CDC27: variants seen among roughly 807,000 people sequenced by gnomAD.
The protein encoded by CDC27 is cell division cycle protein 27 homolog.
Under a neutral mutation model 109.7 loss-of-function variants are expected in CDC27, and 27 were observed. The observed-to-expected ratio is 0.25, with a 90% CI of 0.18 to 0.34. The LOEUF is 0.34. Among genes scored for constraint, CDC27 ranks in the 10% least tolerant of loss-of-function variants. The probability of loss-of-function intolerance (pLI) is 1.00; values close to 1 mark genes in which losing one functional copy is unlikely to be tolerated. For synonymous variants in CDC27, 266 were observed against 333.9 expected (o/e 0.80, Z 2.22); for missense variants, 579 against 960.2 (o/e 0.60, Z 5.25).
At position 47,151,927 on chromosome 17, in the gene CDC27, C is replaced by A; in HGVS notation, c.958-9G>T. 6.2e-7 allele frequency: 1 copy of A among 1,603,936 alleles called. No homozygotes were observed. Among genetic ancestry groups the A allele is most frequent in the Non-Finnish European group, 8.5e-7 (1 of 1,175,840 alleles). Reference sequence around the variant, plus strand: ...CCGATTCTGGCAACAGACTGTAAAACACGAAAAGTCTAAGGTTTGTGAATT... The same window carrying A: ...CCGATTCTGGCAACAGACTGTAAAAAACGAAAAGTCTAAGGTTTGTGAATT... On this transcript the variant is annotated splice_polypyrimidine_tract_variant and intron_variant, in intron 8 of 18. Transcript: ENST00000066544.
chr17:47,172,788 T>C (rs2063850638), intron 2 of CDC27, among the ~76,000 whole-genome samples: 1 of 152,152 alleles, frequency 6.6e-6, no homozygotes, highest in Admixed American at 6.5e-5. Context: ...TGATCATCAC[T>C]TCACTTCTAT....
At chr17:47,160,450 TC>T (rs1248095620) in intron 4 of CDC27, among the ~76,000 whole-genome samples, 1 of 152,154 alleles carries the variant, frequency 6.6e-6, no homozygotes, top group Non-Finnish European at 1.5e-5. Context: ...GTTTTTGAAC[TC>T]CTGGACTCAA....
chr17:47,127,997 T>C (rs1317550912), intron 16 of CDC27, among the ~76,000 whole-genome samples: 1 of 151,712 alleles, frequency 6.6e-6, no homozygotes, highest in East Asian at 1.9e-4. Context: ...TTTTTATTAG[T>C]ATTAAAAAAA....
chr17:47,151,103 G>A (rs858679), intron 9 of CDC27, among the ~76,000 whole-genome samples: 53,785 of 152,034 alleles, frequency 0.35, 10,066 homozygotes, highest in Admixed American at 0.43. Context: ...TGTACAAATC[G>A]GAAATTATTT....
intron 1 of CDC27, among the ~76,000 whole-genome samples, chr17:47,182,913 C>T (rs938326491): frequency 6.6e-6 from 1 of 151,758 alleles, no homozygotes; most frequent in Admixed American, 6.6e-5. Context: ...TTAGTCCCAG[C>T]GACTCAGAAG....
In CDC27 at chr17:47,150,110, C is replaced by T. The variant is rs138477571; in HGVS notation, c.1070+1696G>A. On this transcript the variant is annotated intron_variant, in intron 9 of 18. Coordinates refer to ENST00000066544, the MANE Select transcript of CDC27 (RefSeq NM_001256.6). The stretch of plus-strand genomic sequence containing the variant: ...TCCCATAAAGACTAAGAGAGGAGCA[C>T]GAAAGTATACTATTGTAAGGTTCTG... Among the ~76,000 whole-genome samples, 541 of 152,118 alleles carry T rather than the reference C, an allele frequency of 3.6e-3. 2 individuals carry two copies. Among genetic ancestry groups the T allele is most frequent in the South Asian group, 0.021 (101 of 4,822 alleles).
At chr17:47,183,154 T>C (rs541106439) in intron 1 of CDC27, among the ~76,000 whole-genome samples, 9 of 152,236 alleles carry the variant, frequency 5.9e-5, no homozygotes, top group South Asian at 4.1e-4. Context: ...TTTTGAGATA[T>C]CTCACACCTG....
intron 1 of CDC27, among the ~76,000 whole-genome samples, chr17:47,186,373 T>C (rs2149020790): frequency 6.6e-6 from 1 of 152,362 alleles, no homozygotes; most frequent in Non-Finnish European, 1.5e-5. Flanking sequence ...ATCATGTATA[T>C]AGTACCCAAT....
chr17:47,174,968 AACAGGACAGG>A (rs779367027), intron 2 of CDC27, among the ~76,000 whole-genome samples: 3 of 116,042 alleles, frequency 2.6e-5, no homozygotes, highest in African/African-American at 3.1e-5. Context: ...GGACTATCGA[AACAGGACAGG>A]ACAGGACAGG....
intron 2 of CDC27, among the ~76,000 whole-genome samples, chr17:47,178,834 G>A (rs560995930): frequency 4.6e-5 from 7 of 151,460 alleles, no homozygotes; most frequent in South Asian, 4.2e-4. Context: ...ACGGAGTCTC[G>A]CTCTGTTGCC....
intron 16 of CDC27, among the ~76,000 whole-genome samples, chr17:47,128,936 T>C (rs1045262131): frequency 2.0e-5 from 3 of 152,096 alleles, no homozygotes; most frequent in Non-Finnish European, 4.4e-5. Flanking sequence ...CATGCCCAGC[T>C]AATTTTTTGT....
chr17:47,148,609 C>T (rs2063052727), intron 9 of CDC27, among the ~76,000 whole-genome samples: 7 of 152,162 alleles, frequency 4.6e-5, no homozygotes, highest in Admixed American at 4.6e-4. Flanking sequence ...CAAAGCTACA[C>T]TAGAGCACAT....
chr17:47,162,172 C>T (rs559655577), intron 4 of CDC27: 54 of 152,326 alleles, frequency 3.5e-4, no homozygotes, highest in African/African-American at 1.1e-3. Context: ...ACTCCTTCTT[C>T]TTCTCCTCTG....
chr17:47,181,604 A>G lies in CDC27; in HGVS notation c.61T>C (p.Tyr21His), dbSNP rs1235533509. 2.5e-6 allele frequency: 4 copies of G among 1,609,210 alleles called. No homozygotes were observed. Among genetic ancestry groups the G allele is most frequent in the Non-Finnish European group, 3.4e-6 (4 of 1,176,408 alleles). The change falls in exon 2 of 19, where the codon TAC becomes CAC. Residue 21 changes from tyrosine to histidine, a missense_variant. Transcript: ENST00000066544. ...TCTGCGAGGAAAACCGCATCTCGGT[A>G]AGCATAGTGGTTTAGTGCTTGCCAT... ...AIWQALNHYA[Y>H]RDAVFLAERL...
At chr17:47,143,077 A>G (rs1203060423) in intron 10 of CDC27, among the ~76,000 whole-genome samples, 2 of 152,016 alleles carry the variant, frequency 1.3e-5, no homozygotes, top group South Asian at 2.1e-4. Flanking sequence ...GGCTCAAGTG[A>G]TTCTCCCACC....
rs1043040168 is a variant in CDC27, at chr17:47,118,093, C to G, written c.*2842G>C. On this transcript the variant is annotated 3_prime_UTR_variant, in exon 19 of 19. Coordinates refer to ENST00000066544, the MANE Select transcript of CDC27 (RefSeq NM_001256.6). The stretch of plus-strand genomic sequence containing the variant: ...TTCAATGCAAACAGAACACACACTT[C>G]ATACCCACACTTGCATTTTCCCAGG... The G allele has an allele frequency of 1.3e-5, 2 of 152,188 alleles. No individual in the cohort carries two copies. The highest frequency in any genetic ancestry group is 4.8e-5 in the African/African-American group (2 of 41,450). The allele number at this position is 152,188 out of a possible 1,614,324, so 9.4% of individuals were successfully genotyped here. A position where few individuals can be genotyped will look rare whatever the true frequency, so the allele number is the denominator to read the frequency against.
chr17:47,156,853 T>G, intron 7 of CDC27, 60 bp downstream of exon 7: 1 of 577,586 alleles, frequency 1.7e-6, no homozygotes, highest in South Asian at 2.9e-5. Context: ...ACTAACAATA[T>G]GAGTTATCAT....
In CDC27 at chr17:47,119,235, C is replaced by A. The variant is rs1044198415; in HGVS notation, c.*1700G>T. 1.3e-5 allele frequency: 2 copies of A among 151,846 alleles called. No individual in the cohort carries two copies. Among genetic ancestry groups the A allele is most frequent in the Non-Finnish European group, 2.9e-5 (2 of 67,952 alleles). 9.4% of individuals were successfully genotyped at this position (151,846 alleles called of 1,614,324 possible). A position where few individuals can be genotyped will look rare whatever the true frequency, so the allele number is the denominator to read the frequency against. On this transcript the variant is annotated 3_prime_UTR_variant, in exon 19 of 19. Coordinates refer to ENST00000066544, the MANE Select transcript of CDC27 (RefSeq NM_001256.6). ...TATATTTATTTTCTCCCAACTGTTC[C>A]TTTTTTTTAAAAAAGTATTGTTTTA...
intron 9 of CDC27, among the ~76,000 whole-genome samples, chr17:47,150,610 T>G (rs1364401851): frequency 1.3e-5 from 2 of 152,204 alleles, no homozygotes; most frequent in Admixed American, 6.5e-5. Context: ...TTTACAACTG[T>G]AAGAGAATAA....
Sources: allele counts gnomAD v4.1 joint callset (sites outside exome capture counted in the v4.1 genomes callset), GRCh38; gene constraint gnomAD v4.1.1; transcripts MANE v1.5; gene names NCBI Gene and HGNC (gene_info 2026-07-23, HGNC 2026-07-21).